SCFD1: variants seen among roughly 807,000 people sequenced by gnomAD.
The protein encoded by SCFD1 is sec1 family domain-containing protein 1.
In SCFD1, 37 loss-of-function variants were observed where a neutral mutation model predicts 103.2. The observed-to-expected ratio is 0.36, with a 90% CI of 0.28 to 0.47. The LOEUF (loss-of-function observed/expected upper bound fraction) is 0.47. SCFD1 is among the 20% of genes least tolerant of loss of function. SCFD1 has a pLI of 1.00. For missense variants in SCFD1, 639 were observed against 761.2 expected (o/e 0.84, Z 1.89); for synonymous variants, 264 against 245.0 (o/e 1.08, Z -0.73).
intron 9 of SCFD1, among the ~76,000 whole-genome samples, chr14:30,651,774 C>T (rs552769902): frequency 6.6e-6 from 1 of 152,148 alleles, no homozygotes; most frequent in South Asian, 2.1e-4. Context: ...CCTTAGTGGT[C>T]ACAACCTTGC....
At chr14:30,732,095 A>G (rs1893517314) in intron 23 of SCFD1, among the ~76,000 whole-genome samples, 1 of 152,154 alleles carries the variant, frequency 6.6e-6, no homozygotes, top group Non-Finnish European at 1.5e-5. Context: ...GACAAAAGGC[A>G]TTTTCTTAAG....
Position 30,636,375 on chromosome 14 carries a change from G to A in SCFD1, c.313-1750G>A, listed in dbSNP as rs530671425. Among the ~76,000 whole-genome samples, 35 of 151,996 alleles carry A rather than the reference G, an allele frequency of 2.3e-4. No individual in the cohort carries two copies. The Middle Eastern group carries it at 0.014, about 59-fold the overall frequency. On this transcript the variant is annotated intron_variant, in intron 4 of 24. Transcript: ENST00000458591. Reference sequence around the variant, plus strand: ...TTATAGTTTTGGCTCTTACCTGTAGGTCTTGATTCCCCTTTGCATTATTTT... The same window carrying A: ...TTATAGTTTTGGCTCTTACCTGTAGATCTTGATTCCCCTTTGCATTATTTT...
intron 14 of SCFD1, among the ~76,000 whole-genome samples, chr14:30,681,905 A>G (rs923221365): frequency 3.9e-5 from 6 of 152,224 alleles, no homozygotes; most frequent in Non-Finnish European, 7.4e-5. Flanking sequence ...ATACAATTCA[A>G]TGAGAGCAGT....
chr14:30,698,224 G>T (rs542247640), intron 15 of SCFD1, among the ~76,000 whole-genome samples: 24 of 152,312 alleles, frequency 1.6e-4, no homozygotes, highest in African/African-American at 5.5e-4. Context: ...AAGGAGAGAG[G>T]TGCGTGTGAC....
chr14:30,622,583 G>A, intron 1 of SCFD1, 184 bp downstream of exon 1: 1 of 1,056,344 alleles, frequency 9.5e-7, no homozygotes. Flanking sequence ...GGTTCCTCCT[G>A]TGGTGCAGGA....
At chr14:30,664,590 T>A (rs1478086079) in intron 10 of SCFD1, among the ~76,000 whole-genome samples, 2 of 151,802 alleles carry the variant, frequency 1.3e-5, no homozygotes, top group South Asian at 2.1e-4. Context: ...TAATAACAAG[T>A]TTCTCCAAGC....
chr14:30,661,307 G>C (rs1485668542), intron 10 of SCFD1, among the ~76,000 whole-genome samples: 1 of 152,150 alleles, frequency 6.6e-6, no homozygotes, highest in African/African-American at 2.4e-5. Context: ...GAAACCAGAT[G>C]ACTGTTATGT....
intron 1 of SCFD1, among the ~76,000 whole-genome samples, chr14:30,624,183 C>A (rs1354623909): frequency 1.3e-5 from 2 of 152,102 alleles, no homozygotes; most frequent in Non-Finnish European, 2.9e-5. Flanking sequence ...GTTCACTGTC[C>A]CCTCTATCCA....
chr14:30,672,974 A>G (rs1191399519), intron 11 of SCFD1, among the ~76,000 whole-genome samples: 3 of 152,214 alleles, frequency 2.0e-5, no homozygotes, highest in Non-Finnish European at 4.4e-5. Context: ...CTAAAAACGT[A>G]TAAGTGAAGA....
At chr14:30,730,963 C>G (rs2139442110) in intron 23 of SCFD1, among the ~76,000 whole-genome samples, 1 of 152,150 alleles carries the variant, frequency 6.6e-6, no homozygotes, top group Non-Finnish European at 1.5e-5. Flanking sequence ...AGGTTTTCTT[C>G]TAGGGTTTTT....
intron 10 of SCFD1, among the ~76,000 whole-genome samples, chr14:30,663,779 A>G (rs750105168): frequency 6.6e-6 from 1 of 152,194 alleles, no homozygotes; most frequent in South Asian, 2.1e-4. Flanking sequence ...CCTAGATTTT[A>G]ATCTTGATTC....
chr14:30,702,235 A>G, intron 16 of SCFD1, 61 bp from the exon 17 acceptor site: 1 of 1,108,336 alleles, frequency 9.0e-7, no homozygotes, highest in Non-Finnish European at 1.3e-6. Context: ...ATCAAATGGC[A>G]ACAAATAACA....
At chr14:30,624,068 G>A (rs1029391145) in intron 1 of SCFD1, among the ~76,000 whole-genome samples, 1 of 152,118 alleles carries the variant, frequency 6.6e-6, no homozygotes, top group African/African-American at 2.4e-5. Context: ...GTAAACTAAC[G>A]TGCCTGTTTC....
At chr14:30,703,962 T>TAA (rs869033858) in intron 17 of SCFD1, among the ~76,000 whole-genome samples, 21 of 42,346 alleles carry the variant, frequency 5.0e-4, no homozygotes, top group African/African-American at 1.5e-3. Flanking sequence ...TATATATATA[T>TAA]AAATAATGAG....
At chr14:30,624,071 C>A (rs1883134120) in intron 1 of SCFD1, among the ~76,000 whole-genome samples, 1 of 152,124 alleles carries the variant, frequency 6.6e-6, no homozygotes, top group South Asian at 2.1e-4. Context: ...AACTAACGTG[C>A]CTGTTTCTTG....
intron 6 of SCFD1, among the ~76,000 whole-genome samples, chr14:30,642,983 G>T (rs561730735): frequency 4.6e-5 from 7 of 152,146 alleles, no homozygotes; most frequent in African/African-American, 1.7e-4. Context: ...ACCAGCCTGG[G>T]CAACATAGGG....
At chr14:30,676,848 A>G (rs935228998) in intron 14 of SCFD1, among the ~76,000 whole-genome samples, 1 of 152,238 alleles carries the variant, frequency 6.6e-6, no homozygotes, top group Non-Finnish European at 1.5e-5. Context: ...GACAACTATT[A>G]TAGATGTGTA....
chr14:30,679,172 A>AC (rs1566625928), intron 14 of SCFD1, among the ~76,000 whole-genome samples: 1 of 151,980 alleles, frequency 6.6e-6, no homozygotes, highest in Non-Finnish European at 1.5e-5. Context: ...CATTATTAAC[A>AC]TGTCATAACA....
At chr14:30,672,014 TAA>T (rs567181542) in intron 11 of SCFD1, among the ~76,000 whole-genome samples, 11 of 136,176 alleles carry the variant, frequency 8.1e-5, no homozygotes, top group Admixed American at 1.5e-4. Flanking sequence ...AACTCCATCT[TAA>T]AAAAAAAAAA....
Sources: allele counts gnomAD v4.1 joint callset (sites outside exome capture counted in the v4.1 genomes callset), GRCh38; gene constraint gnomAD v4.1.1; transcripts MANE v1.5; gene names NCBI Gene and HGNC (gene_info 2026-07-23, HGNC 2026-07-21).